Variants in GALNTL6 observed in about 807,000 individuals in gnomAD.
GALNTL6 encodes the protein polypeptide N-acetylgalactosaminyltransferase like 6.
A neutral mutation model predicts 73.7 loss-of-function variants in GALNTL6; 46 were observed. The observed-to-expected ratio is 0.62, with a 90% CI of 0.49 to 0.80. The LOEUF is 0.80. Among genes scored for constraint, GALNTL6 ranks in the 30% least tolerant of loss-of-function variants. The pLI is 0.00. For missense variants in GALNTL6, 604 were observed against 755.0 expected, an observed-to-expected ratio of 0.80 and a Z score of 2.34; for synonymous variants, 259 against 263.7, an observed-to-expected ratio of 0.98 and a Z score of 0.17.
intron 2 of GALNTL6, among the ~76,000 whole-genome samples, chr4:172,210,560 GT>G (rs1736288237): frequency 6.6e-6 from 1 of 152,112 alleles, no homozygotes; most frequent in South Asian, 2.1e-4. Flanking sequence ...GGGATTATGT[GT>G]TTGGGAGAGA....
At chr4:172,481,392 G>A (rs986519180) in intron 5 of GALNTL6, among the ~76,000 whole-genome samples, 2 of 123,384 alleles carry the variant, frequency 1.6e-5, no homozygotes, top group African/African-American at 5.4e-5. Context: ...GAGCAAAAGA[G>A]CAAAGCTTCC....
intron 7 of GALNTL6, among the ~76,000 whole-genome samples, chr4:172,865,637 T>G (rs923667223): frequency 6.6e-6 from 1 of 152,240 alleles, no homozygotes; most frequent in Non-Finnish European, 1.5e-5. Context: ...AATCACTGTT[T>G]AATTATTTTC....
At chr4:171,880,865 GCATT>G (rs1214632224) in intron 2 of GALNTL6, among the ~76,000 whole-genome samples, 3 of 151,952 alleles carry the variant, frequency 2.0e-5, no homozygotes, top group African/African-American at 7.3e-5. Context: ...AAAATTAGTA[GCATT>G]ATTACAATAT....
intron 2 of GALNTL6, among the ~76,000 whole-genome samples, chr4:172,118,333 G>C (rs1273064980): frequency 2.6e-5 from 4 of 152,100 alleles, no homozygotes; most frequent in Admixed American, 2.6e-4. Context: ...AAGTTTCATA[G>C]TATTAACAAA....
At chr4:172,102,797 T>C (rs1244919248) in intron 2 of GALNTL6, among the ~76,000 whole-genome samples, 1 of 152,158 alleles carries the variant, frequency 6.6e-6, no homozygotes, top group Non-Finnish European at 1.5e-5. Flanking sequence ...GATGCTCCCA[T>C]AGAGGGTCAG....
Position 172,132,434 on chromosome 4 carries a change from G to A in GALNTL6, c.139-97222G>A, listed in dbSNP as rs114538510. On this transcript the variant is annotated intron_variant, in intron 2 of 12. Coordinates refer to ENST00000506823, the MANE Select transcript of GALNTL6 (RefSeq NM_001034845.3). ...CCAACAGCAGTTCAACTCTGAGATTGGAAATACTTTAAGCCTCAACATTGT... is the reference window on the plus strand; with the variant it reads ...CCAACAGCAGTTCAACTCTGAGATTAGAAATACTTTAAGCCTCAACATTGT... 7.5e-3 allele frequency among the ~76,000 whole-genome samples: 1,148 copies of A among 152,100 alleles called. 20 individuals are homozygous for A. Among genetic ancestry groups the A allele is most frequent in the African/African-American group, 0.026 (1,098 of 41,502 alleles).
At chr4:172,232,116 A>G (rs1737092231) in intron 3 of GALNTL6, among the ~76,000 whole-genome samples, 1 of 147,590 alleles carries the variant, frequency 6.8e-6, no homozygotes, top group Non-Finnish European at 1.5e-5. Flanking sequence ...GTGTGTGTAC[A>G]CACACACTCA....
At chr4:171,973,713 A>G (rs1325354679) in intron 2 of GALNTL6, among the ~76,000 whole-genome samples, 1 of 152,182 alleles carries the variant, frequency 6.6e-6, no homozygotes, top group Non-Finnish European at 1.5e-5. Context: ...CCACAGCAGG[A>G]CCTAAGGAAG....
intron 4 of GALNTL6, among the ~76,000 whole-genome samples, chr4:172,332,523 G>GT (rs553182182): frequency 0.4 from 59,180 of 148,094 alleles, 13,925 homozygotes; most frequent in South Asian, 0.63. Context: ...ATCCGATCAA[G>GT]TTTTTTTTTT....
At chr4:172,959,998 G>A (rs942016632) in intron 10 of GALNTL6, among the ~76,000 whole-genome samples, 5 of 152,208 alleles carry the variant, frequency 3.3e-5, no homozygotes, top group Non-Finnish European at 7.3e-5. Context: ...CTCTATTATT[G>A]TACACCTTAA....
intron 2 of GALNTL6, among the ~76,000 whole-genome samples, chr4:172,188,462 G>A (rs1329525336): frequency 6.6e-6 from 1 of 152,182 alleles, no homozygotes; most frequent in Non-Finnish European, 1.5e-5. Context: ...TAAACAGTGG[G>A]GACACAGTGG....
Position 172,843,051 on chromosome 4 carries a change from C to A in GALNTL6, c.923+29328C>A, listed in dbSNP as rs181121721. On this transcript the variant is annotated intron_variant, in intron 7 of 12. Transcript: ENST00000506823. ...TCCCAGCAGTGAAAGGCAAGCTCACCCTCTGGGAATGGGTTCAAATATAAA... is the reference window on the plus strand; with the variant it reads ...TCCCAGCAGTGAAAGGCAAGCTCACACTCTGGGAATGGGTTCAAATATAAA... 2.0e-5 allele frequency among the ~76,000 whole-genome samples: 3 copies of A among 152,186 alleles called. No individual in the cohort carries two copies. In the East Asian group the frequency reaches 5.8e-4, roughly 30 times the overall value.
intron 6 of GALNTL6, among the ~76,000 whole-genome samples, chr4:172,812,025 G>C (rs200276383): frequency 1.3e-5 from 2 of 150,698 alleles, no homozygotes; most frequent in Non-Finnish European, 3.0e-5. Context: ...TGGATGGATG[G>C]ATGGATGGAT....
chr4:172,860,757 G>A (rs1430231190), intron 7 of GALNTL6, among the ~76,000 whole-genome samples: 1 of 152,112 alleles, frequency 6.6e-6, no homozygotes, highest in Non-Finnish European at 1.5e-5. Context: ...CTAAAATGTA[G>A]CAGCTAAAAC....
intron 5 of GALNTL6, among the ~76,000 whole-genome samples, chr4:172,367,912 T>G (rs2111251582): frequency 6.6e-6 from 1 of 152,344 alleles, no homozygotes; most frequent in Non-Finnish European, 1.5e-5. Context: ...TAAGCCTTAA[T>G]TGGCAATACC....
intron 5 of GALNTL6, among the ~76,000 whole-genome samples, chr4:172,549,456 G>C (rs960263300): frequency 3.9e-5 from 6 of 151,902 alleles, no homozygotes; most frequent in Non-Finnish European, 7.4e-5. Flanking sequence ...ATTTAACTTT[G>C]TTGTCATTAT....
At chr4:172,834,482 A>C (rs1380215) in intron 7 of GALNTL6, among the ~76,000 whole-genome samples, 151,052 of 152,330 alleles carry the variant, frequency 0.99, 74,902 homozygotes, top group Middle Eastern at 1. Context: ...ATAGGTCAAG[A>C]GGGCAGAGCA....
chr4:172,043,413 A>C (rs986252231), intron 2 of GALNTL6, among the ~76,000 whole-genome samples: 1 of 152,028 alleles, frequency 6.6e-6, no homozygotes. Flanking sequence ...ACAAGCTTCA[A>C]TATTGGAAGA....
chr4:171,973,612 T>C (rs1168158321), intron 2 of GALNTL6, among the ~76,000 whole-genome samples: 1 of 152,162 alleles, frequency 6.6e-6, no homozygotes, highest in Non-Finnish European at 1.5e-5. Context: ...CCTGACTGTA[T>C]CTGCAATGAA....
Sources: gnomAD v4.1 joint callset for allele counts (sites outside exome capture counted in the v4.1 genomes callset) on GRCh38, gnomAD v4.1.1 for gene constraint, MANE v1.5 for transcripts, NCBI Gene and HGNC (gene_info 2026-07-23, HGNC 2026-07-21) for gene names.